Variants in ERO1B observed in about 807,000 individuals in gnomAD.
The protein encoded by ERO1B is ERO1-like protein beta.
A neutral mutation model predicts 75.3 loss-of-function variants in ERO1B; 49 were observed. The observed-to-expected ratio is 0.65, with a 90% CI of 0.52 to 0.83. ERO1B has a LOEUF of 0.83. Ranked by LOEUF, ERO1B falls within the 40% of genes least tolerant of loss-of-function variation. The pLI, the probability that ERO1B is intolerant of heterozygous loss-of-function variation, is 0.00. For missense variants in ERO1B, 512 were observed against 560.1 expected (o/e 0.91, Z 0.87); for synonymous variants, 191 against 192.9 (o/e 0.99, Z 0.08).
intron 2 of ERO1B, among the ~76,000 whole-genome samples, chr1:236,268,615 G>T (rs139028626): frequency 7.9e-5 from 12 of 152,078 alleles, no homozygotes; most frequent in South Asian, 6.2e-4. Flanking sequence ...GGCCGGGCGC[G>T]GTGGCTCACG....
chr1:236,243,444 C>G lies in ERO1B; in HGVS notation c.483G>C (p.Arg161=). ...TACCATCAAGTTCACAAAAGTGATCCCGTGAATCATCATATCTTGCCCAGT... is the reference window on the plus strand; with the variant it reads ...TACCATCAAGTTCACAAAAGTGATCGCGTGAATCATCATATCTTGCCCAGT... The part of the protein sequence containing the change: ...FIDWARYDDS[R]DHFCELDDER... Residue 161 remains arginine, a synonymous_variant, in exon 6 of 16, where the codon CGG becomes CGC. Coordinates refer to ENST00000354619, the MANE Select transcript of ERO1B (RefSeq NM_019891.4). The G allele has an allele frequency of 6.2e-7, 1 of 1,603,434 alleles. No homozygotes were observed. The highest frequency in any genetic ancestry group is 1.3e-5 in the African/African-American group (1 of 74,770).
intron 10 of ERO1B, among the ~76,000 whole-genome samples, chr1:236,228,382 A>C (rs1042060363): frequency 1.1e-4 from 16 of 152,304 alleles, no homozygotes; most frequent in African/African-American, 3.6e-4. Flanking sequence ...CACACTTAGC[A>C]GGAAATTGCT....
In ERO1B at chr1:236,253,450, T is replaced by C. The variant is rs147983087; in HGVS notation, c.278A>G (p.Lys93Arg). The change falls in exon 3 of 16, where the codon AAA (lysine) becomes AGA (arginine). Residue 93 changes from lysine (K) to arginine (R), a missense_variant. Physicochemically the swap from Lys to Arg is conservative, Grantham distance 26. Transcript: ENST00000354619. ...TGGACAGGGCTCCACATGACAGTCT[T>C]TTATTGAACAGTGGCCATCTTCTGC... ...FWAEDGHCSI[K>R]DCHVEPCPES... is the part of the protein sequence containing the mutation. 2,501 of 1,610,846 alleles carry C rather than the reference T, an allele frequency of 1.6e-3. 7 individuals are homozygous for C. The highest frequency in any genetic ancestry group is 2.7e-3 in the Admixed American group (162 of 59,770).
chr1:236,249,179 C>CCACACCCG (rs1664956690), intron 5 of ERO1B, among the ~76,000 whole-genome samples: 1 of 152,020 alleles, frequency 6.6e-6, no homozygotes, highest in African/African-American at 2.4e-5. Flanking sequence ...GCACCCGCCA[C>CCACACCCG]CACACCCGGC....
At chr1:236,276,414 G>A (rs1665711990) in intron 1 of ERO1B, among the ~76,000 whole-genome samples, 1 of 152,172 alleles carries the variant, frequency 6.6e-6, no homozygotes, top group Admixed American at 6.5e-5. Flanking sequence ...AGCAGTCAAT[G>A]GCAGGGGAGG....
intron 2 of ERO1B, among the ~76,000 whole-genome samples, chr1:236,256,770 A>G (rs1333984037): frequency 6.6e-6 from 1 of 152,212 alleles, no homozygotes; most frequent in Non-Finnish European, 1.5e-5. Flanking sequence ...CCCAACTTTT[A>G]TAGCCTTCAC....
intron 2 of ERO1B, among the ~76,000 whole-genome samples, chr1:236,259,691 A>G (rs955316248): frequency 1.4e-5 from 2 of 141,670 alleles, no homozygotes; most frequent in Non-Finnish European, 3.1e-5. Context: ...AGTTACAAAA[A>G]CTAAATATAT....
At chr1:236,236,887 A>T (rs979350453) in intron 6 of ERO1B, among the ~76,000 whole-genome samples, 1 of 152,174 alleles carries the variant, frequency 6.6e-6, no homozygotes, top group African/African-American at 2.4e-5. Context: ...ACGGCTCCAT[A>T]ACTTTGTGAT....
intron 1 of ERO1B, among the ~76,000 whole-genome samples, chr1:236,278,365 G>A (rs1347692779): frequency 6.6e-6 from 1 of 151,636 alleles, no homozygotes; most frequent in Non-Finnish European, 1.5e-5. Flanking sequence ...GGATGTAATT[G>A]TTTGAAGTCC....
chr1:236,227,168 T>G (rs7525257), intron 10 of ERO1B, among the ~76,000 whole-genome samples: 27,417 of 152,122 alleles, frequency 0.18, 2,860 homozygotes, highest in African/African-American at 0.28. Flanking sequence ...TTATTAACCT[T>G]CTGCCCTGAA....
At chr1:236,243,190 T>C (rs985029488) in intron 6 of ERO1B, among the ~76,000 whole-genome samples, 1 of 152,104 alleles carries the variant, frequency 6.6e-6, no homozygotes, top group African/African-American at 2.4e-5. Context: ...TTCTCAGATA[T>C]GAAATAATAC....
At chr1:236,219,966 G>A (rs1664095204) in intron 15 of ERO1B, among the ~76,000 whole-genome samples, 1 of 149,240 alleles carries the variant, frequency 6.7e-6, no homozygotes, top group East Asian at 2.0e-4. Context: ...GGATGCTGCA[G>A]TGAGCCATGA....
At chr1:236,255,032 T>G (rs1036258227) in intron 2 of ERO1B, among the ~76,000 whole-genome samples, 2 of 151,802 alleles carry the variant, frequency 1.3e-5, no homozygotes. Flanking sequence ...AGGTGATCTT[T>G]GTACCTCAGC....
rs772039273 is a variant in ERO1B, at chr1:236,281,748, C to T, written c.36G>A (p.Gln12=). 21 of 1,517,598 alleles carry T rather than the reference C, an allele frequency of 1.4e-5. No homozygotes were observed. In the South Asian group the frequency reaches 2.5e-4, roughly 18 times the overall value. 94.0% of individuals were successfully genotyped at this position (1,517,598 alleles called of 1,614,324 possible). ...GCAGCTGCACCGCGGCCGCTACCCC[C>T]TGCCCAGCGCCTGCCCGGCGGACCC... The part of the protein sequence containing the change: ...SQGVRRAGAG[Q]GVAAAVQLLV... Residue 12 remains glutamine (Q), a synonymous_variant, in exon 1 of 16, where the codon CAG becomes CAA. Transcript: ENST00000354619.
rs1486300239 is a variant in ERO1B at position 236,260,071 on chromosome 1, A to G, written c.223-6566T>C. On this transcript the variant is annotated intron_variant, in intron 2 of 15. Transcript: ENST00000354619. ...AACATGAAACTAGAAATCAGTAATC[A>G]ATGAAACCAAAGTTTTTTTTTAAAG... Among the ~76,000 whole-genome samples, 6 of 152,318 alleles carry G rather than the reference A, an allele frequency of 3.9e-5. No homozygotes were observed. In the East Asian group the frequency reaches 1.2e-3, roughly 29 times the overall value.
intron 2 of ERO1B, among the ~76,000 whole-genome samples, chr1:236,262,429 G>T (rs1265028961): frequency 1.3e-5 from 2 of 152,072 alleles, no homozygotes; most frequent in Non-Finnish European, 1.5e-5. Flanking sequence ...TTGAGACAGG[G>T]TCTCACTCTG....
chr1:236,221,792 A>C, intron 14 of ERO1B, 132 bp downstream of exon 14: 1 of 677,274 alleles, frequency 1.5e-6, no homozygotes, highest in Non-Finnish European at 2.6e-6. Context: ...CATCAACAGA[A>C]AAAACACCTT....
At chr1:236,256,381 G>C (rs1665161149) in intron 2 of ERO1B, among the ~76,000 whole-genome samples, 1 of 152,044 alleles carries the variant, frequency 6.6e-6, no homozygotes, top group Non-Finnish European at 1.5e-5. Flanking sequence ...GGGAGAGTAA[G>C]CACACTCTGC....
intron 5 of ERO1B, among the ~76,000 whole-genome samples, chr1:236,248,653 A>T (rs891172038): frequency 6.6e-6 from 1 of 152,216 alleles, no homozygotes; most frequent in African/African-American, 2.4e-5. Context: ...TAAATATAGG[A>T]TATCATTTAT....
Sources: allele counts gnomAD v4.1 joint callset (sites outside exome capture counted in the v4.1 genomes callset), GRCh38; gene constraint gnomAD v4.1.1; transcripts MANE v1.5; gene names NCBI Gene and HGNC (gene_info 2026-07-23, HGNC 2026-07-21).